COL19A1: variants seen among roughly 807,000 people sequenced by gnomAD.
COL19A1 encodes the protein collagen type XIX alpha 1 chain.
COL19A1 carries 159 observed loss-of-function variants against 190.2 expected under a neutral mutation model. The ratio of observed to expected loss-of-function variants is 0.84; its 90% CI spans 0.73 to 0.95. The LOEUF is 0.95. Ranked by LOEUF, COL19A1 falls within the 40% of genes least tolerant of loss-of-function variation. The pLI is 0.00. For missense variants in COL19A1, 1,418 were observed against 1,431.9 expected, an observed-to-expected ratio of 0.99 and a Z score of 0.16; for synonymous variants, 509 against 458.9, an observed-to-expected ratio of 1.11 and a Z score of -1.39.
At chr6:70,067,552 C>G (rs73486377) in intron 14 of COL19A1, among the ~76,000 whole-genome samples, 8,672 of 151,958 alleles carry the variant, frequency 0.057, 830 homozygotes, top group African/African-American at 0.2. Flanking sequence ...TCAAGCACGT[C>G]GTGGGTCTGA....
intron 1 of COL19A1, among the ~76,000 whole-genome samples, chr6:69,878,379 A>T (rs568182315): frequency 6.6e-6 from 1 of 151,812 alleles, no homozygotes; most frequent in Admixed American, 6.6e-5. Context: ...GTGCCTGACT[A>T]ATTTTTTTAT....
At chr6:70,053,692 C>G (rs576502461) in intron 14 of COL19A1, among the ~76,000 whole-genome samples, 46 of 152,270 alleles carry the variant, frequency 3.0e-4, no homozygotes, top group Non-Finnish European at 5.1e-4. Flanking sequence ...AGTTAGCCCT[C>G]AGATGTATTT....
At chr6:69,977,953 T>A (rs901063135) in intron 11 of COL19A1, among the ~76,000 whole-genome samples, 10 of 152,082 alleles carry the variant, frequency 6.6e-5, no homozygotes, top group African/African-American at 1.9e-4. Flanking sequence ...AAAAAAAAAA[T>A]TTTACTGATC....
intron 4 of COL19A1, among the ~76,000 whole-genome samples, chr6:69,926,197 C>T (rs1234061937): frequency 2.0e-5 from 3 of 152,052 alleles, no homozygotes; most frequent in Admixed American, 1.3e-4. Flanking sequence ...AGTTTTTGCC[C>T]CTTCAGTATT....
Position 69,871,805 on chromosome 6 carries a change from C to A in COL19A1, c.-33+5165C>A, listed in dbSNP as rs1767842451. Reference sequence around the variant, plus strand: ...TCCTGACCATCTTATTTAGCAAGTCCACCATTTTTTTTTTTTTTTTTTTTT... The same window carrying A: ...TCCTGACCATCTTATTTAGCAAGTCAACCATTTTTTTTTTTTTTTTTTTTT... On this transcript the variant is annotated intron_variant, in intron 1 of 50. Coordinates refer to ENST00000620364, the MANE Select transcript of COL19A1 (RefSeq NM_001858.6). 3.0e-5 allele frequency among the ~76,000 whole-genome samples: 4 copies of A among 135,540 alleles called. No homozygotes were observed. In the South Asian group the frequency reaches 7.2e-4, roughly 24 times the overall value. The allele number at this position is 135,540 out of a possible 152,430, so 88.9% of individuals were successfully genotyped here.
chr6:70,190,926 T>C (rs940367120), intron 48 of COL19A1, among the ~76,000 whole-genome samples: 1 of 152,238 alleles, frequency 6.6e-6, no homozygotes, highest in African/African-American at 2.4e-5. Flanking sequence ...GAGCGAGTTA[T>C]ATTTTTAAAC....
chr6:70,028,803 G>T (rs1778864683), intron 12 of COL19A1, among the ~76,000 whole-genome samples: 1 of 151,956 alleles, frequency 6.6e-6, no homozygotes, highest in Non-Finnish European at 1.5e-5. Context: ...AAGATTAAAG[G>T]GACTATCATA....
chr6:69,927,143 C>A lies in COL19A1; in HGVS notation c.267-766C>A, dbSNP rs77248448. Among the ~76,000 whole-genome samples the A allele has an allele frequency of 5.5e-3, 836 of 152,146 alleles. 19 individuals carry two copies. In the East Asian group the frequency reaches 0.069, roughly 13 times the overall value. On this transcript the variant is annotated intron_variant, in intron 4 of 50. Coordinates refer to ENST00000620364, the MANE Select transcript of COL19A1 (RefSeq NM_001858.6). Reference sequence around the variant, plus strand: ...TTAGGCTGAATGAAAGGAAACTAGACAGTAACTCAAATCCAAACAATGACA... The same window carrying A: ...TTAGGCTGAATGAAAGGAAACTAGAAAGTAACTCAAATCCAAACAATGACA...
chr6:70,206,988 A>G lies in COL19A1; in HGVS notation c.3301+10A>G. ...CTTCCTGGGACTTCAGGTAAGTGGG[A>G]TATTGTCTTCACAACACAAGCAAGC... On this transcript the variant is annotated intron_variant, in intron 50 of 50. Transcript: ENST00000620364. 6.2e-7 allele frequency: 1 copy of G among 1,612,828 alleles called. No homozygotes were observed. The highest frequency in any genetic ancestry group is 8.5e-7 in the Non-Finnish European group (1 of 1,179,596).
chr6:70,195,422 G>A (rs1191744869), intron 48 of COL19A1, among the ~76,000 whole-genome samples: 2 of 152,044 alleles, frequency 1.3e-5, no homozygotes, highest in African/African-American at 4.8e-5. Flanking sequence ...TAATTTCAGT[G>A]TCTTTAAGTC....
chr6:70,208,080 A>G lies in COL19A1; in HGVS notation c.*806A>G, dbSNP rs375500609. On this transcript the variant is annotated 3_prime_UTR_variant, in exon 51 of 51. Transcript: ENST00000620364. The stretch of plus-strand genomic sequence containing the variant: ...CTGTGGTCCCCTCACTCAGTCTCTC[A>G]TTTGGTAAACAGAAAGCTGTTTTCC... 4.6e-5 allele frequency: 7 copies of G among 152,164 alleles called. No individual in the cohort carries two copies. The highest frequency in any genetic ancestry group is 1.9e-4 in the East Asian group (1 of 5,192). 9.4% of individuals were successfully genotyped at this position (152,164 alleles called of 1,614,324 possible).
chr6:69,980,274 A>G (rs1452930992), intron 11 of COL19A1, among the ~76,000 whole-genome samples: 1 of 152,122 alleles, frequency 6.6e-6, no homozygotes, highest in Admixed American at 6.6e-5. Context: ...CTCAGAAGTT[A>G]TGTGAAGTTA....
At chr6:70,113,849 T>C (rs1158070332) in intron 16 of COL19A1, among the ~76,000 whole-genome samples, 1 of 142,396 alleles carries the variant, frequency 7.0e-6, no homozygotes, top group Admixed American at 7.0e-5. Context: ...TTTCTTTTTT[T>C]TTTTTTTTTT....
At chr6:70,172,100 TA>T in intron 41 of COL19A1, 83 bp downstream of exon 41, 1 of 1,264,230 alleles carries the variant, frequency 7.9e-7, no homozygotes, top group Non-Finnish European at 1.1e-6. Flanking sequence ...AAAACTGTTT[TA>T]GGTTAGGGAT....
intron 11 of COL19A1, among the ~76,000 whole-genome samples, chr6:70,018,037 G>T (rs1327620262): frequency 6.6e-6 from 1 of 152,058 alleles, no homozygotes; most frequent in African/African-American, 2.4e-5. Context: ...GCAAGATTTT[G>T]TTTTAACAGA....
chr6:69,938,063 C>T lies in COL19A1; in HGVS notation c.899C>T (p.Pro300Leu), dbSNP rs758590278. The part of the protein sequence containing the change: ...NKGEAGLPGA[P>L]GSPGQKGHKG... ...GGAGAAGCAGGATTACCAGGAGCTCCGGGTTCACCTGGGCAGAAAGGGCAT... is the reference window on the plus strand; with the variant it reads ...GGAGAAGCAGGATTACCAGGAGCTCTGGGTTCACCTGGGCAGAAAGGGCAT... Residue 300 changes from proline to leucine, a missense_variant, in exon 9 of 51, where the codon CCG (proline) becomes CTG (leucine). Pro to Leu is a moderately conservative substitution (Grantham distance 98). Transcript: ENST00000620364. 9.9e-6 allele frequency: 16 copies of T among 1,612,400 alleles called. No individual in the cohort carries two copies. The highest frequency in any genetic ancestry group is 4.0e-5 in the African/African-American group (3 of 74,706).
intron 48 of COL19A1, among the ~76,000 whole-genome samples, chr6:70,195,141 A>ATATG (rs1328643117): frequency 8.2e-6 from 1 of 121,552 alleles, no homozygotes; most frequent in Non-Finnish European, 1.6e-5. Context: ...TTGATGATAT[A>ATATG]TATATATATA....
chr6:69,974,532 C>T (rs1257084561), intron 11 of COL19A1, among the ~76,000 whole-genome samples: 3 of 152,200 alleles, frequency 2.0e-5, no homozygotes, highest in East Asian at 1.9e-4. Context: ...AATCACAGAG[C>T]GAATCAAGGA....
At chr6:70,185,019 T>G in intron 46 of COL19A1, 104 bp downstream of exon 46, 1 of 1,050,570 alleles carries the variant, frequency 9.5e-7, no homozygotes, top group East Asian at 2.5e-5. Flanking sequence ...AATCACCAAA[T>G]CTATAAAGGC....
Sources: gnomAD v4.1 joint callset for allele counts (sites outside exome capture counted in the v4.1 genomes callset) on GRCh38, gnomAD v4.1.1 for gene constraint, MANE v1.5 for transcripts, NCBI Gene and HGNC (gene_info 2026-07-23, HGNC 2026-07-21) for gene names.